The following NT5E variants were observed in gnomAD, a reference collection of about 807,000 sequenced individuals.
NT5E encodes the protein 5'-nucleotidase.
Under a neutral mutation model 55.1 loss-of-function variants are expected in NT5E, and 53 were observed. The ratio of observed to expected loss-of-function variants is 0.96; its 90% confidence interval spans 0.77 to 1.21. NT5E has a LOEUF of 1.21. Among genes scored for constraint, NT5E ranks in the 50% most tolerant of loss-of-function variants. The pLI is 0.00. For missense variants in NT5E, 683 were observed against 724.3 expected, an observed-to-expected ratio of 0.94 and a Z score of 0.65; for synonymous variants, 270 against 278.4, an observed-to-expected ratio of 0.97 and a Z score of 0.30.
At chr6:85,471,977 C>T (rs1197995374) in intron 3 of NT5E, among the ~76,000 whole-genome samples, 4 of 152,286 alleles carry the variant, frequency 2.6e-5, no homozygotes, top group African/African-American at 7.2e-5. Context: ...ACTCTTCCTA[C>T]CCACTACCTG....
chr6:85,486,696 C>A (rs189677493), intron 4 of NT5E, among the ~76,000 whole-genome samples: 2 of 152,336 alleles, frequency 1.3e-5, no homozygotes, highest in Admixed American at 1.3e-4. Flanking sequence ...TTTACACAAT[C>A]CTGCATGCAA....
chr6:85,452,870 G>A (rs1161394235), intron 1 of NT5E, among the ~76,000 whole-genome samples: 1 of 152,144 alleles, frequency 6.6e-6, no homozygotes, highest in Non-Finnish European at 1.5e-5. Flanking sequence ...TCAAATCAGG[G>A]TGGAAAACAG....
chr6:85,471,184 T>G, intron 2 of NT5E, 53 bp from the exon 3 acceptor site: 1 of 1,236,954 alleles, frequency 8.1e-7, no homozygotes, highest in Non-Finnish European at 1.1e-6. Flanking sequence ...GTATATTAAG[T>G]AATATAATAA....
intron 1 of NT5E, among the ~76,000 whole-genome samples, chr6:85,458,519 G>A (rs1209304919): frequency 6.6e-6 from 1 of 152,218 alleles, no homozygotes; most frequent in East Asian, 1.9e-4. Flanking sequence ...AAATTGGAGA[G>A]AACCAAACAA....
chr6:85,491,911 C>T, intron 7 of NT5E, 66 bp from the exon 8 acceptor site: 15 of 1,514,824 alleles, frequency 9.9e-6, no homozygotes, highest in Non-Finnish European at 1.1e-5. Flanking sequence ...AGAGTTTGGC[C>T]AAAATTCCTT....
chr6:85,462,975 C>T (rs1051707724), intron 1 of NT5E, among the ~76,000 whole-genome samples: 2 of 152,160 alleles, frequency 1.3e-5, no homozygotes, highest in African/African-American at 4.8e-5. Context: ...TCTACTAATA[C>T]CTTACTGGCA....
chr6:85,462,524 G>C (rs892298995), intron 1 of NT5E, among the ~76,000 whole-genome samples: 1 of 152,192 alleles, frequency 6.6e-6, no homozygotes, highest in Non-Finnish European at 1.5e-5. Context: ...GCAGACGTCT[G>C]TCTCTGGTGT....
intron 3 of NT5E, among the ~76,000 whole-genome samples, chr6:85,474,390 T>C (rs1769383497): frequency 6.6e-6 from 1 of 152,206 alleles, no homozygotes; most frequent in South Asian, 2.1e-4. Context: ...CAGCCAACTG[T>C]ATGTGCCTTT....
intron 1 of NT5E, among the ~76,000 whole-genome samples, chr6:85,461,783 G>C (rs1185515431): frequency 6.6e-6 from 1 of 152,112 alleles, no homozygotes; most frequent in African/African-American, 2.4e-5. Flanking sequence ...GGGGACAGGA[G>C]GGGTAGAGGC....
At chr6:85,484,371 G>A (rs1466583485) in intron 3 of NT5E, among the ~76,000 whole-genome samples, 1 of 152,146 alleles carries the variant, frequency 6.6e-6, no homozygotes, top group Non-Finnish European at 1.5e-5. Flanking sequence ...TTAAAGGCTG[G>A]GCTGCCTACT....
rs1325287562 is a variant in NT5E at position 85,495,125 on chromosome 6, C to T, written c.*1121C>T. The T allele has an allele frequency of 1.3e-5, 2 of 152,180 alleles. No homozygotes were observed. The highest frequency in any genetic ancestry group is 2.9e-5 in the Non-Finnish European group (2 of 68,044). The allele number at this position is 152,180 out of a possible 1,614,324, so 9.4% of individuals were successfully genotyped here. On this transcript the variant is annotated 3_prime_UTR_variant, in exon 9 of 9. Transcript: ENST00000257770. ...CCAGTTATGGAATGTCCAGAGTTCT[C>T]GAAGAAAATAAATGACTTTAGGAAG...
chr6:85,492,256 G>A, intron 8 of NT5E, 79 bp downstream of exon 8: 1 of 1,340,408 alleles, frequency 7.5e-7, no homozygotes, highest in Non-Finnish European at 1.1e-6. Flanking sequence ...GGTGCCAGGA[G>A]GGCAAAGTGA....
At position 85,494,575 on chromosome 6, in the gene NT5E, A is replaced by C. The variant is rs1025380553; in HGVS notation, c.*571A>C. On this transcript the variant is annotated 3_prime_UTR_variant, in exon 9 of 9. Coordinates refer to ENST00000257770, the MANE Select transcript of NT5E (RefSeq NM_002526.4). ...ATCAAGTTACTGTTCAGAATACTTA[A>C]TATCTCCTCTCTTCATAATTATCAA... is the stretch of plus-strand genomic sequence containing the variant. 6.5e-6 allele frequency: 1 copy of C among 154,846 alleles called. No homozygotes were observed. 9.6% of individuals were successfully genotyped at this position (154,846 alleles called of 1,614,324 possible).
chr6:85,474,876 G>A (rs1025940794), intron 3 of NT5E, among the ~76,000 whole-genome samples: 2 of 152,216 alleles, frequency 1.3e-5, no homozygotes, highest in African/African-American at 2.4e-5. Flanking sequence ...TGAGGATGCA[G>A]TGAGCTATGA....
chr6:85,485,502 T>A lies in NT5E; in HGVS notation c.949+70T>A, dbSNP rs576968745. Reference sequence around the variant, plus strand: ...TGGCTGGATATTTTGCTCCTTCCCATTTTTTTCCTTTAATGTTTCAGGAAA... The same window carrying A: ...TGGCTGGATATTTTGCTCCTTCCCAATTTTTTCCTTTAATGTTTCAGGAAA... On this transcript the variant is annotated intron_variant, in intron 4 of 8. Coordinates refer to ENST00000257770, the MANE Select transcript of NT5E (RefSeq NM_002526.4). 1.8e-4 allele frequency: 264 copies of A among 1,428,160 alleles called. 1 individual carries two copies. In the East Asian group the frequency reaches 2.4e-3, roughly 13 times the overall value. The allele number at this position is 1,428,160 out of a possible 1,614,324, so 88.5% of individuals were successfully genotyped here.
intron 3 of NT5E, 50 bp downstream of exon 3, chr6:85,471,475 G>A (rs1480308226): frequency 6.5e-7 from 1 of 1,537,738 alleles, no homozygotes; most frequent in East Asian, 2.3e-5. Flanking sequence ...GATAAGCACT[G>A]TGTCTCTTTT....
At position 85,471,339 on chromosome 6, in the gene NT5E, G is replaced by A; in HGVS notation, c.665G>A (p.Gly222Asp). Residue 222 changes from glycine (G) to aspartate (D), a missense_variant, in exon 3 of 9, where the codon GGT becomes GAT. Gly to Asp is a moderately conservative substitution (Grantham distance 94). Transcript: ENST00000257770. ...AAAATTATTGCACTGGGACATTCGG[G>A]TTTTGAAATGGATAAACTCATCGCT... Reference protein sequence around the residue: ...VNKIIALGHSGFEMDKLIAQK... With the variant: ...VNKIIALGHSDFEMDKLIAQK... 1 of 1,613,262 alleles carries A rather than the reference G, an allele frequency of 6.2e-7. No individual in the cohort carries two copies. Among genetic ancestry groups the A allele is most frequent in the South Asian group, 1.1e-5 (1 of 91,000 alleles).
Position 85,467,034 on chromosome 6 carries a change from C to G in NT5E, c.340-26C>G, listed in dbSNP as rs561350963. 45 of 1,597,964 alleles carry G rather than the reference C, an allele frequency of 2.8e-5. No homozygotes were observed. In the East Asian group the frequency reaches 9.2e-4, roughly 33 times the overall value. On this transcript the variant is annotated intron_variant, in intron 1 of 8. Transcript: ENST00000257770. The stretch of plus-strand genomic sequence containing the variant: ...TGTTATGTTTTTAAAGCACCTAATT[C>G]TTTTTCTCTTTTCTGTTTTATCTAG...
intron 1 of NT5E, among the ~76,000 whole-genome samples, chr6:85,457,229 T>C (rs1432714731): frequency 1.3e-5 from 2 of 152,202 alleles, no homozygotes; most frequent in Non-Finnish European, 2.9e-5. Context: ...CTGGGCACCA[T>C]TGGACTGTAC....
Sources: gnomAD v4.1 joint callset for allele counts (sites outside exome capture counted in the v4.1 genomes callset) on GRCh38, gnomAD v4.1.1 for gene constraint, MANE v1.5 for transcripts, NCBI Gene and HGNC (gene_info 2026-07-23, HGNC 2026-07-21) for gene names.